MMP23B: variants seen among roughly 807,000 people sequenced by gnomAD.
MMP23B encodes the protein matrix metalloproteinase-23.
In MMP23B, 8 loss-of-function variants were observed where a neutral mutation model predicts 17.3. That is an observed-to-expected ratio of 0.46 (90% CI 0.27 to 0.83). The LOEUF (loss-of-function observed/expected upper bound fraction) is 0.83. MMP23B is among the 40% of genes least tolerant of loss of function. MMP23B has a pLI of 0.14. For synonymous variants in MMP23B, 86 were observed against 116.5 expected, an observed-to-expected ratio of 0.74 and a Z score of 1.69; for missense variants, 154 against 246.2, an observed-to-expected ratio of 0.63 and a Z score of 2.51.
Position 1,632,207 on chromosome 1 carries a change from A to C in MMP23B, c.-12A>C. ...TGCCCCATGCAGCCCTGAGCCCCAC[A>C]GCAAGTCTGCCATGGGCCGCGGGGC... is the stretch of plus-strand genomic sequence containing the variant. On this transcript the variant is annotated 5_prime_UTR_variant, in exon 1 of 8. Coordinates refer to ENST00000356026, the MANE Select transcript of MMP23B (RefSeq NM_006983.2). 2 of 1,301,658 alleles carry C rather than the reference A, an allele frequency of 1.5e-6. No individual in the cohort carries two copies. The highest frequency in any genetic ancestry group is 1.9e-6 in the Non-Finnish European group (2 of 1,032,236). The allele number at this position is 1,301,658 out of a possible 1,614,324, so 80.6% of individuals were successfully genotyped here.
rs1639054756 is a variant in MMP23B, at chr1:1,633,961, C to T, written c.761-28C>T. 1.2e-5 allele frequency: 16 copies of T among 1,312,432 alleles called. 3 individuals are homozygous for T. Among genetic ancestry groups the T allele is most frequent in the Admixed American group, 1.1e-4 (6 of 52,592 alleles). The allele number at this position is 1,312,432 out of a possible 1,614,324, so 81.3% of individuals were successfully genotyped here. A position where few individuals can be genotyped will look rare whatever the true frequency, so the allele number is the denominator to read the frequency against. ...GGGCGGGGACCGGGCGGTCCTGAGC[C>T]AGGCCGTGCTCCCCACGCTCCCGAT... On this transcript the variant is annotated intron_variant, in intron 5 of 7. Transcript: ENST00000356026.
Position 1,634,313 on chromosome 1 carries a change from A to G in MMP23B, c.983A>G (p.Lys328Arg). Reference protein sequence around the residue: ...TFRCGQKILHKKGKVYWYKDQ... With the variant: ...TFRCGQKILHRKGKVYWYKDQ... ...CGCTGCGGCCAGAAGATCCTCCACA[A>G]GAAAGGGAAAGTGTAGTGAGTGAGC... is the stretch of plus-strand genomic sequence containing the variant. Residue 328 changes from lysine (K) to arginine (R), a missense_variant, in exon 7 of 8, where the codon AAG (lysine) becomes AGG (arginine). Lys to Arg is a conservative substitution (Grantham distance 26). Transcript: ENST00000356026. The G allele has an allele frequency of 1.7e-6, 1 of 596,194 alleles. No individual in the cohort carries two copies. Among genetic ancestry groups the G allele is most frequent in the African/African-American group, 2.5e-5 (1 of 40,426 alleles). 36.9% of individuals were successfully genotyped at this position (596,194 alleles called of 1,614,324 possible).
At chr1:1,632,430 G>C (rs561187699) in intron 1 of MMP23B, 56 bp downstream of exon 1, 1 of 1,330,288 alleles carries the variant, frequency 7.5e-7, no homozygotes. Flanking sequence ...ACGTCTGTGG[G>C]TCTGGTCTAT....
chr1:1,632,726 GT>G, intron 1 of MMP23B, 56 bp from the exon 2 acceptor site: 2 of 255,358 alleles, frequency 7.8e-6, no homozygotes, highest in South Asian at 2.8e-5. Flanking sequence ...TTCCGCGGCA[GT>G]TTTTGGTCCT....
chr1:1,632,294 G>T lies in MMP23B; in HGVS notation c.76G>T (p.Val26Phe). 1 of 1,421,462 alleles carries T rather than the reference G, an allele frequency of 7.0e-7. No individual in the cohort carries two copies. The highest frequency in any genetic ancestry group is 9.2e-7 in the Non-Finnish European group (1 of 1,092,774). The allele number at this position is 1,421,462 out of a possible 1,614,324, so 88.1% of individuals were successfully genotyped here. A position where few individuals can be genotyped will look rare whatever the true frequency, so the allele number is the denominator to read the frequency against. Residue 26 changes from valine (V) to phenylalanine (F), a missense_variant, in exon 1 of 8, where the codon GTC becomes TTC. Coordinates refer to ENST00000356026, the MANE Select transcript of MMP23B (RefSeq NM_006983.2). ...VERRWLGAAL[V>F]ALCLLPALVL... ...GCGCCGCTGGCTTGGAGCCGCGCTG[G>T]TCGCCCTGTGCCTCCTCCCCGCGCT... is the stretch of plus-strand genomic sequence containing the variant.
At position 1,632,263 on chromosome 1, in the gene MMP23B, C is replaced by G. The variant is rs1486541575; in HGVS notation, c.45C>G (p.Gly15=). Reference sequence around the variant, plus strand: ...TCCCCTCGGAGGCCCCGGGGGCAGGCGTCGAGCGCCGCTGGCTTGGAGCCG... The same window carrying G: ...TCCCCTCGGAGGCCCCGGGGGCAGGGGTCGAGCGCCGCTGGCTTGGAGCCG... ...ARVPSEAPGA[G]VERRWLGAAL... is the part of the protein sequence containing the mutation. The change falls in exon 1 of 8, where the codon GGC becomes GGG. Residue 15 remains glycine, a synonymous_variant. Transcript: ENST00000356026. 1 of 1,370,756 alleles carries G rather than the reference C, an allele frequency of 7.3e-7. No homozygotes were observed. Among genetic ancestry groups the G allele is most frequent in the African/African-American group, 1.5e-5 (1 of 65,876 alleles). The allele number at this position is 1,370,756 out of a possible 1,614,324, so 84.9% of individuals were successfully genotyped here. A position where few individuals can be genotyped will look rare whatever the true frequency, so the allele number is the denominator to read the frequency against.
intron 1 of MMP23B, 150 bp from the exon 2 acceptor site, chr1:1,632,633 G>C: frequency 3.1e-6 from 1 of 322,888 alleles, no homozygotes; most frequent in East Asian, 5.1e-5. Flanking sequence ...CAGGTTAGGA[G>C]ACCCGAAACC....
Position 1,632,299 on chromosome 1 carries a change from C to G in MMP23B, c.81C>G (p.Ala27=), listed in dbSNP as rs767468122. The change falls in exon 1 of 8, where the codon GCC becomes GCG. Residue 27 remains alanine (A), a synonymous_variant. Transcript: ENST00000356026. ...ERRWLGAALV[A]LCLLPALVLL... is the part of the protein sequence containing the mutation. ...GCTGGCTTGGAGCCGCGCTGGTCGC[C>G]CTGTGCCTCCTCCCCGCGCTGGTGC... 1.4e-6 allele frequency: 2 copies of G among 1,430,790 alleles called. No individual in the cohort carries two copies. Among genetic ancestry groups the G allele is most frequent in the East Asian group, 3.0e-5 (1 of 33,190 alleles). The allele number at this position is 1,430,790 out of a possible 1,614,324, so 88.6% of individuals were successfully genotyped here.
rs746156707 is a variant in MMP23B at position 1,632,262 on chromosome 1, G to T, written c.44G>T (p.Gly15Val). 2 of 1,370,798 alleles carry T rather than the reference G, an allele frequency of 1.5e-6. No homozygotes were observed. The highest frequency in any genetic ancestry group is 3.6e-5 in the South Asian group (2 of 55,766). The allele number at this position is 1,370,798 out of a possible 1,614,324, so 84.9% of individuals were successfully genotyped here. The change falls in exon 1 of 8, where the codon GGC becomes GTC. Residue 15 changes from glycine to valine, a missense_variant. Around this residue, in one of 4 missense-constraint regions of MMP23B, gnomAD observed 129 missense variants for 83.5 expected, o/e 1.54. Coordinates refer to ENST00000356026, the MANE Select transcript of MMP23B (RefSeq NM_006983.2). ...ARVPSEAPGA[G>V]VERRWLGAAL... The stretch of plus-strand genomic sequence containing the variant: ...GTCCCCTCGGAGGCCCCGGGGGCAG[G>T]CGTCGAGCGCCGCTGGCTTGGAGCC...
intron 1 of MMP23B, chr1:1,632,582 C>T (rs1639038916): frequency 2.6e-6 from 1 of 388,402 alleles, no homozygotes; most frequent in Non-Finnish European, 4.5e-6. Flanking sequence ...GCCCCTTCCC[C>T]TCCACTGGGC....
chr1:1,632,337 TGGGGGCCCCGGCGGTGCCGGCCTG>T lies in MMP23B; in HGVS notation c.121_144del (p.Gly41_Trp48del), dbSNP rs1557644834. 1 of 1,410,166 alleles carries T rather than the reference TGGGGGCCCCGGCGGTGCCGGCCTG, an allele frequency of 7.1e-7. No homozygotes were observed. Among genetic ancestry groups the T allele is most frequent in the Non-Finnish European group, 9.2e-7 (1 of 1,090,418 alleles). The allele number at this position is 1,410,166 out of a possible 1,614,324, so 87.4% of individuals were successfully genotyped here. The stretch of plus-strand genomic sequence containing the variant: ...CCCGCGCTGGTGCTGCTGGCCCGGC[TGGGGGCCCCGGCGGTGCCGGCCTG>T]GAGCGCAGCGCAGGTGAGCGGCGGG... On this transcript the variant is annotated inframe_deletion, in exon 1 of 8. Transcript: ENST00000356026.
chr1:1,634,411 G>A lies in MMP23B; in HGVS notation c.999-40G>A, dbSNP rs777382554. On this transcript the variant is annotated intron_variant, in intron 7 of 7. Transcript: ENST00000356026. Reference sequence around the variant, plus strand: ...AGGGGTGCGGGGCAGGCAGCCGGGGGGGGGGCTGTGCCTGCAGGAGACGCC... The same window carrying A: ...AGGGGTGCGGGGCAGGCAGCCGGGGAGGGGGCTGTGCCTGCAGGAGACGCC... 1.8e-5 allele frequency: 25 copies of A among 1,385,174 alleles called. 2 individuals are homozygous for A. Among genetic ancestry groups the A allele is most frequent in the South Asian group, 8.0e-5 (6 of 74,816 alleles). 85.8% of individuals were successfully genotyped at this position (1,385,174 alleles called of 1,614,324 possible).
At chr1:1,632,494 G>A (rs1639034002) in intron 1 of MMP23B, 120 bp downstream of exon 1, 7 of 850,082 alleles carry the variant, frequency 8.2e-6, no homozygotes, top group Middle Eastern at 3.7e-4. Context: ...GGGTCCGGAT[G>A]TGCGTCCCGA....
At chr1:1,632,560 C>A (rs895326046) in intron 1 of MMP23B, 186 bp downstream of exon 1, 1 of 539,958 alleles carries the variant, frequency 1.9e-6, no homozygotes, top group African/African-American at 2.0e-5. Context: ...GGAGGCCTCG[C>A]CCTGCTGTTC....
In MMP23B at chr1:1,632,891, G is replaced by A. The variant is rs1639045838; in HGVS notation, c.265G>A (p.Asp89Asn). The stretch of plus-strand genomic sequence containing the variant: ...GCTGACTCCAGCCAGGCTGCGCTGG[G>A]ACCACTTCAACCTCACCTACAGGTG... ...YTLTPARLRW[D>N]HFNLTYRILS... Residue 89 changes from aspartate (D) to asparagine (N), a missense_variant, in exon 2 of 8, where the codon GAC (aspartate) becomes AAC (asparagine). Coordinates refer to ENST00000356026, the MANE Select transcript of MMP23B (RefSeq NM_006983.2). 4 of 141,798 alleles carry A rather than the reference G, an allele frequency of 2.8e-5. No homozygotes were observed. Among genetic ancestry groups the A allele is most frequent in the South Asian group, 1.5e-4 (4 of 27,056 alleles). The allele number at this position is 141,798 out of a possible 1,614,324, so 8.8% of individuals were successfully genotyped here. A position where few individuals can be genotyped will look rare whatever the true frequency, so the allele number is the denominator to read the frequency against.
At position 1,634,352 on chromosome 1, in the gene MMP23B, C is replaced by T; in HGVS notation, c.998+24C>T. 5 of 1,002,028 alleles carry T rather than the reference C, an allele frequency of 5.0e-6. 1 individual carries two copies. Among genetic ancestry groups the T allele is most frequent in the Non-Finnish European group, 7.1e-6 (5 of 700,838 alleles). The allele number at this position is 1,002,028 out of a possible 1,614,324, so 62.1% of individuals were successfully genotyped here. ...TAGTGAGTGAGCGCCCCGGGCGGTC[C>T]TCGGGGTGGGCAGCCCGCGGGCGGC... On this transcript the variant is annotated intron_variant, in intron 7 of 7. Coordinates refer to ENST00000356026, the MANE Select transcript of MMP23B (RefSeq NM_006983.2).
rs988593018 is a variant in MMP23B at position 1,632,448 on chromosome 1, C to T, written c.156+74C>T. The T allele has an allele frequency of 8.1e-5, 100 of 1,228,634 alleles. No homozygotes were observed. The South Asian group carries it at 1.1e-3, about 13-fold the overall frequency. 76.1% of individuals were successfully genotyped at this position (1,228,634 alleles called of 1,614,324 possible). Reference sequence around the variant, plus strand: ...TCTGTGGGTCTGGTCTATCGGGGGGCCCGCAGGACGTGTGCGGGGTGTGCG... The same window carrying T: ...TCTGTGGGTCTGGTCTATCGGGGGGTCCGCAGGACGTGTGCGGGGTGTGCG... On this transcript the variant is annotated intron_variant, in intron 1 of 7. Transcript: ENST00000356026.
Position 1,632,895 on chromosome 1 carries a change from A to T in MMP23B, c.269A>T (p.His90Leu). 9.2e-6 allele frequency: 1 copy of T among 108,944 alleles called. No individual in the cohort carries two copies. Among genetic ancestry groups the T allele is most frequent in the Admixed American group, 2.1e-4 (1 of 4,808 alleles). The allele number at this position is 108,944 out of a possible 1,614,324, so 6.7% of individuals were successfully genotyped here. ...ACTCCAGCCAGGCTGCGCTGGGACC[A>T]CTTCAACCTCACCTACAGGTGCGCC... ...TLTPARLRWD[H>L]FNLTYRILSF... Residue 90 changes from histidine to leucine, a missense_variant, in exon 2 of 8, where the codon CAC (histidine) becomes CTC (leucine). Physicochemically the swap from His to Leu is moderately conservative, Grantham distance 99. Transcript: ENST00000356026.
Position 1,632,353 on chromosome 1 carries a change from G to A in MMP23B, c.135G>A (p.Val45=). 1.4e-6 allele frequency: 2 copies of A among 1,391,188 alleles called. No homozygotes were observed. The highest frequency in any genetic ancestry group is 9.2e-7 in the Non-Finnish European group (1 of 1,083,656). 86.2% of individuals were successfully genotyped at this position (1,391,188 alleles called of 1,614,324 possible). A position where few individuals can be genotyped will look rare whatever the true frequency, so the allele number is the denominator to read the frequency against. Residue 45 remains valine, a synonymous_variant, in exon 1 of 8, where the codon GTG becomes GTA. Transcript: ENST00000356026. ...TGGCCCGGCTGGGGGCCCCGGCGGTGCCGGCCTGGAGCGCAGCGCAGGTGA... is the reference window on the plus strand; with the variant it reads ...TGGCCCGGCTGGGGGCCCCGGCGGTACCGGCCTGGAGCGCAGCGCAGGTGA... The part of the protein sequence containing the change: ...VLLARLGAPA[V]PAWSAAQGDV...
Sources: allele counts gnomAD v4.1 joint callset, GRCh38; gene constraint gnomAD v4.1.1; regional missense constraint gnomAD v4.1.1; transcripts MANE v1.5; gene names NCBI Gene and HGNC (gene_info 2026-07-23, HGNC 2026-07-21).